ACOT11: variants seen among roughly 807,000 people sequenced by gnomAD.
ACOT11 encodes the protein acyl-CoA thioesterase 11.
A neutral mutation model predicts 77.5 loss-of-function variants in ACOT11; 69 were observed. The observed-to-expected ratio is 0.89, with a 90% confidence interval of 0.73 to 1.09. ACOT11 has a LOEUF of 1.09. Among genes scored for constraint, ACOT11 ranks in the 50% least tolerant of loss-of-function variants. ACOT11 has a pLI of 0.00. For missense variants in ACOT11, 766 were observed against 813.7 expected, an observed-to-expected ratio of 0.94 and a Z score of 0.71; for synonymous variants, 279 against 313.0, an observed-to-expected ratio of 0.89 and a Z score of 1.15.
At chr1:54,610,671 C>A, downstream of ACOT11, 1 of 1,457,652 alleles carries the variant, frequency 6.9e-7, no homozygotes, top group Non-Finnish European at 9.1e-7. Flanking sequence ...CCTCATAGCA[C>A]CCTGCCAAGT....
In ACOT11 at chr1:54,609,635, A is replaced by G; in HGVS notation, c.*523A>G. 6.2e-7 allele frequency: 1 copy of G among 1,613,872 alleles called. No individual in the cohort carries two copies. The highest frequency in any genetic ancestry group is 8.5e-7 in the Non-Finnish European group (1 of 1,180,032). On this transcript the variant is annotated 3_prime_UTR_variant, in exon 16 of 16. Coordinates refer to ENST00000343744, the MANE Select transcript of ACOT11 (RefSeq NM_147161.4). Reference sequence around the variant, plus strand: ...GGGGAAGACCTCAGCCACAGCTGTAAGCAGCTCTCTGCCAGCCACATGGCC... The same window carrying G: ...GGGGAAGACCTCAGCCACAGCTGTAGGCAGCTCTCTGCCAGCCACATGGCC...
At chr1:54,582,369 G>T (rs1005148142) in intron 1 of ACOT11, 2 of 873,830 alleles carry the variant, frequency 2.3e-6, no homozygotes, top group Non-Finnish European at 2.7e-6. Flanking sequence ...AACCTTTGAC[G>T]ATGTCCTCCT....
At position 54,602,740 on chromosome 1, in the gene ACOT11, G is replaced by A; in HGVS notation, c.1085+16G>A. On this transcript the variant is annotated intron_variant, in intron 10 of 15. Coordinates refer to ENST00000343744, the MANE Select transcript of ACOT11 (RefSeq NM_147161.4). ...GCCTGGACAGGTGAGTAGGGGCTGAGTGGTGGGCAGAATGTGGATTCGGGG... is the reference window on the plus strand; with the variant it reads ...GCCTGGACAGGTGAGTAGGGGCTGAATGGTGGGCAGAATGTGGATTCGGGG... 2 of 1,526,316 alleles carry A rather than the reference G, an allele frequency of 1.3e-6. No individual in the cohort carries two copies. Among genetic ancestry groups the A allele is most frequent in the Non-Finnish European group, 1.8e-6 (2 of 1,138,030 alleles). 94.5% of individuals were successfully genotyped at this position (1,526,316 alleles called of 1,614,324 possible).
At chr1:54,622,303 A>G (rs1266686331) in intron 15 of ACOT11, among the ~76,000 whole-genome samples, 1 of 140,538 alleles carries the variant, frequency 7.1e-6, no homozygotes, top group Non-Finnish European at 1.5e-5. Context: ...AAAAAAGGCC[A>G]GGTATGGTGG....
chr1:54,562,565 C>G (rs924095590), intron 1 of ACOT11, among the ~76,000 whole-genome samples: 6 of 147,748 alleles, frequency 4.1e-5, no homozygotes, highest in African/African-American at 1.5e-4. Context: ...CACCTCCCTC[C>G]CGGACGGGGT....
chr1:54,608,357 C>T (rs1416716985), intron 15 of ACOT11, among the ~76,000 whole-genome samples: 1 of 152,118 alleles, frequency 6.6e-6, no homozygotes, highest in African/African-American at 2.4e-5. Flanking sequence ...TTGGATAGCC[C>T]TTCTCATCTA....
In ACOT11 at chr1:54,609,006, C is replaced by G; in HGVS notation, c.1679C>G (p.Thr560Ser). ...CCAGGTGTTCTCAACTATGTGACCA[C>G]CAACGTGGCCGGCCTCTCCTCTGAG... ...ATPGVLNYVT[T>S]NVAGLSSEFY... is the part of the protein sequence containing the mutation. Residue 560 changes from threonine to serine, a missense_variant, in exon 16 of 16, where the codon ACC (threonine) becomes AGC (serine). Transcript: ENST00000343744. 6.2e-7 allele frequency: 1 copy of G among 1,611,240 alleles called. No homozygotes were observed. Among genetic ancestry groups the G allele is most frequent in the Non-Finnish European group, 8.5e-7 (1 of 1,178,934 alleles).
chr1:54,552,785 C>A (rs1181099721), intron 1 of ACOT11, among the ~76,000 whole-genome samples: 1 of 151,490 alleles, frequency 6.6e-6, no homozygotes, highest in Admixed American at 6.6e-5. Flanking sequence ...CCATGCCCGG[C>A]CCACTCTTAG....
intron 1 of ACOT11, among the ~76,000 whole-genome samples, chr1:54,569,384 G>A (rs1653856772): frequency 6.6e-6 from 1 of 152,100 alleles, no homozygotes; most frequent in Non-Finnish European, 1.5e-5. Context: ...CTCTAATCCA[G>A]CCAGCCTTTG....
rs942780908 is a variant in ACOT11, at chr1:54,609,903, C to T, written c.*791C>T. The T allele has an allele frequency of 1.1e-5, 18 of 1,610,620 alleles. No individual in the cohort carries two copies. Among genetic ancestry groups the T allele is most frequent in the Middle Eastern group, 3.3e-4 (2 of 6,082 alleles). On this transcript the variant is annotated 3_prime_UTR_variant, in exon 16 of 16. Coordinates refer to ENST00000343744, the MANE Select transcript of ACOT11 (RefSeq NM_147161.4). ...GGCACGGGGTTTTCAGCCACAGTTC[C>T]CTCGAGGCCAGTGTTCAGCAGGATC... is the stretch of plus-strand genomic sequence containing the variant.
At chr1:54,560,726 A>AT (rs11455599) in intron 1 of ACOT11, among the ~76,000 whole-genome samples, 30,084 of 142,346 alleles carry the variant, frequency 0.21, 4,848 homozygotes, top group African/African-American at 0.47. Context: ...ATGCTTGGCT[A>AT]TTTTTTTTTT....
intron 1 of ACOT11, among the ~76,000 whole-genome samples, chr1:54,548,796 G>A (rs1399547950): frequency 2.0e-5 from 3 of 152,280 alleles, no homozygotes; most frequent in Middle Eastern, 3.4e-3. Flanking sequence ...TGAGGTCGGC[G>A]TTCTTGGGGA....
chr1:54,623,872 C>G (rs1644254635), intron 15 of ACOT11, among the ~76,000 whole-genome samples: 1 of 152,220 alleles, frequency 6.6e-6, no homozygotes, highest in African/African-American at 2.4e-5. Flanking sequence ...CTTTCTAACT[C>G]CAGGCTTTCT....
At chr1:54,581,915 T>G (rs1050561921) in intron 1 of ACOT11, among the ~76,000 whole-genome samples, 2 of 152,172 alleles carry the variant, frequency 1.3e-5, no homozygotes, top group African/African-American at 4.8e-5. Flanking sequence ...CATGCCCTAA[T>G]GTGGGCAGAC....
At chr1:54,563,051 C>T (rs1487794757) in intron 1 of ACOT11, among the ~76,000 whole-genome samples, 3 of 151,398 alleles carry the variant, frequency 2.0e-5, no homozygotes, top group Non-Finnish European at 4.4e-5. Flanking sequence ...GAGGCCAAGG[C>T]AGGCGGCTGC....
chr1:54,588,892 C>T (rs1344183403), intron 3 of ACOT11, among the ~76,000 whole-genome samples: 4 of 152,074 alleles, frequency 2.6e-5, no homozygotes, highest in Non-Finnish European at 5.9e-5. Context: ...GGGCCTGGAG[C>T]ATGGTTGGTG....
chr1:54,562,288 C>T (rs1421493798), intron 1 of ACOT11, among the ~76,000 whole-genome samples: 1,371 of 113,320 alleles, frequency 0.012, 14 homozygotes, highest in African/African-American at 0.054. Context: ...ACCTCCCTCC[C>T]GGACGGGGCG....
chr1:54,552,836 T>G (rs919685016), intron 1 of ACOT11, among the ~76,000 whole-genome samples: 9 of 148,178 alleles, frequency 6.1e-5, no homozygotes, highest in African/African-American at 1.2e-4. Context: ...TTTTGTTTTT[T>G]TTTTTTTTGA....
chr1:54,625,438 G>T (rs1460630554), intron 15 of ACOT11, among the ~76,000 whole-genome samples: 3 of 152,092 alleles, frequency 2.0e-5, no homozygotes, highest in African/African-American at 7.2e-5. Flanking sequence ...ACCCACTCCG[G>T]ACTCCAGGAT....
Sources: allele counts gnomAD v4.1 joint callset (sites outside exome capture counted in the v4.1 genomes callset), GRCh38; gene constraint gnomAD v4.1.1; transcripts MANE v1.5; gene names NCBI Gene and HGNC (gene_info 2026-07-23, HGNC 2026-07-21).